PDE4D: variants seen among roughly 807,000 people sequenced by gnomAD.
PDE4D encodes 3',5'-cyclic-AMP phosphodiesterase 4D.
A neutral mutation model predicts 87.4 loss-of-function variants in PDE4D; 24 were observed. That is an observed-to-expected ratio of 0.27 (90% confidence interval 0.20 to 0.39). The LOEUF (loss-of-function observed/expected upper bound fraction) is 0.39, where lower values mean the gene tolerates loss of function less well. Ranked by LOEUF, PDE4D falls within the 10% of genes least tolerant of loss-of-function variation. The pLI is 1.00. For missense variants in PDE4D, 714 were observed against 1,041.0 expected (o/e 0.69, Z 4.32); for synonymous variants, 384 against 383.2 (o/e 1.00, Z -0.02).
intron 5 of PDE4D, among the ~76,000 whole-genome samples, chr5:59,097,449 A>G (rs1769943970): frequency 6.6e-6 from 1 of 152,126 alleles, no homozygotes; most frequent in Non-Finnish European, 1.5e-5. Flanking sequence ...TTTCACAAAA[A>G]TCTCATCCCT....
chr5:60,457,498 G>A (rs1746566555), intron 1 of PDE4D, among the ~76,000 whole-genome samples: 1 of 152,174 alleles, frequency 6.6e-6, no homozygotes, highest in African/African-American at 2.4e-5. Context: ...ATGTCCATGT[G>A]CTTCTGCTAC....
chr5:59,588,782 T>C (rs1325843764), intron 1 of PDE4D, among the ~76,000 whole-genome samples: 1 of 152,140 alleles, frequency 6.6e-6, no homozygotes. Context: ...TAAAAGAATC[T>C]TGAGAATATT....
chr5:60,321,329 A>ACCATT (rs1756247169), intron 1 of PDE4D, among the ~76,000 whole-genome samples: 1 of 152,222 alleles, frequency 6.6e-6, no homozygotes, highest in Non-Finnish European at 1.5e-5. Context: ...TGGTGCTAGG[A>ACCATT]TAACTAACTA....
intron 5 of PDE4D, among the ~76,000 whole-genome samples, chr5:59,111,371 C>T (rs1430014884): frequency 1.3e-5 from 2 of 152,160 alleles, no homozygotes; most frequent in Non-Finnish European, 2.9e-5. Flanking sequence ...GAATGGTCAA[C>T]AAAATGCTGG....
intron 6 of PDE4D, among the ~76,000 whole-genome samples, chr5:59,004,266 G>A (rs1240611676): frequency 6.6e-6 from 1 of 152,148 alleles, no homozygotes; most frequent in African/African-American, 2.4e-5. Flanking sequence ...TACTATAACT[G>A]ATTAGCTGTG....
chr5:59,017,733 G>A (rs1874858), intron 6 of PDE4D, among the ~76,000 whole-genome samples: 15,731 of 152,048 alleles, frequency 0.1, 1,290 homozygotes, highest in East Asian at 0.47. Flanking sequence ...ATCCAAGGCC[G>A]CATAATATAA....
At chr5:59,933,767 A>G (rs1309911820) in intron 3 of PDE4D, among the ~76,000 whole-genome samples, 1 of 53,492 alleles carries the variant, frequency 1.9e-5, no homozygotes, top group Non-Finnish European at 3.4e-5. Context: ...TAGATGTAAA[A>G]GGAGATATAT....
intron 2 of PDE4D, among the ~76,000 whole-genome samples, chr5:60,126,370 T>C (rs569859936): frequency 1.1e-4 from 17 of 152,332 alleles, no homozygotes; most frequent in Non-Finnish European, 2.4e-4. Context: ...TCTACTTATT[T>C]TTTTTCATAG....
chr5:59,980,352 T>C lies in PDE4D; in HGVS notation c.272+8136A>G, dbSNP rs199618156. Among the ~76,000 whole-genome samples, 5 of 152,322 alleles carry C rather than the reference T, an allele frequency of 3.3e-5. No individual in the cohort carries two copies. In the East Asian group the frequency reaches 9.6e-4, roughly 29 times the overall value. ...GAGTTCTGCCTTGTGCTTAATATAGTATTGTGCCCTAGCACTTTTCACGGT... is the reference window on the plus strand; with the variant it reads ...GAGTTCTGCCTTGTGCTTAATATAGCATTGTGCCCTAGCACTTTTCACGGT... On this transcript the variant is annotated intron_variant, in intron 3 of 16. Coordinates refer to the PDE4D transcript ENST00000502484.
intron 1 of PDE4D, among the ~76,000 whole-genome samples, chr5:59,308,656 G>C (rs1054938653): frequency 2.0e-5 from 3 of 151,898 alleles, no homozygotes; most frequent in South Asian, 4.2e-4. Flanking sequence ...CTGGTGCAGG[G>C]GGTAGGGGTT....
At chr5:60,465,150 A>G (rs901177203) in intron 1 of PDE4D, among the ~76,000 whole-genome samples, 10 of 152,020 alleles carry the variant, frequency 6.6e-5, no homozygotes, top group Non-Finnish European at 1.2e-4. Flanking sequence ...ATAAAAATTT[A>G]ATTTATTAAA....
In PDE4D at chr5:58,974,631, A is replaced by ACTT. The variant is rs1491310362; in HGVS notation, c.*32_*33insAAG. The ACTT allele has an allele frequency of 6.1e-6, 2 of 329,022 alleles. No homozygotes were observed. The highest frequency in any genetic ancestry group is 3.0e-5 in the African/African-American group (1 of 33,838). The allele number at this position is 329,022 out of a possible 1,614,324, so 20.4% of individuals were successfully genotyped here. ...CACTTTGGAAACAATTTTTCTACTT[A>ACTT]AAAAAAAAAAAGGCATGAAAGTTTT... On this transcript the variant is annotated 3_prime_UTR_variant, in exon 15 of 15. Transcript: ENST00000340635.
intron 1 of PDE4D, among the ~76,000 whole-genome samples, chr5:60,444,219 G>A (rs905896133): frequency 7.2e-5 from 11 of 152,104 alleles, no homozygotes; most frequent in Non-Finnish European, 1.6e-4. Flanking sequence ...CCTTACTTCT[G>A]TTAAACTCAA....
At chr5:59,840,003 T>TG (rs1476374749) in intron 1 of PDE4D, among the ~76,000 whole-genome samples, 1 of 152,022 alleles carries the variant, frequency 6.6e-6, no homozygotes, top group African/African-American at 2.4e-5. Flanking sequence ...GAGCTTGTGG[T>TG]GGGGGGCTCC....
chr5:60,323,734 G>A (rs1333706269), intron 1 of PDE4D, among the ~76,000 whole-genome samples: 1 of 151,656 alleles, frequency 6.6e-6, no homozygotes, highest in Non-Finnish European at 1.5e-5. Flanking sequence ...ATGTCTCTTG[G>A]GCTTCAATTA....
At chr5:59,594,138 C>A (rs1322855420) in intron 1 of PDE4D, among the ~76,000 whole-genome samples, 1 of 92,130 alleles carries the variant, frequency 1.1e-5, no homozygotes, top group African/African-American at 4.4e-5. Flanking sequence ...TTCTCTCTCA[C>A]CTATGGTATA....
chr5:58,980,542 A>AT (rs142237794), intron 11 of PDE4D, among the ~76,000 whole-genome samples: 3,973 of 152,238 alleles, frequency 0.026, 177 homozygotes, highest in African/African-American at 0.091. Context: ...CAAAGCCATC[A>AT]TTTTATTATA....
intron 1 of PDE4D, among the ~76,000 whole-genome samples, chr5:59,581,388 T>C (rs924965974): frequency 6.6e-6 from 1 of 152,196 alleles, no homozygotes; most frequent in African/African-American, 2.4e-5. Context: ...AACTCAGTAA[T>C]AGTCAACTAA....
intron 1 of PDE4D, among the ~76,000 whole-genome samples, chr5:60,240,821 G>A (rs1226056245): frequency 2.6e-5 from 4 of 152,120 alleles, no homozygotes; most frequent in South Asian, 4.1e-4. Context: ...AGCATTACTA[G>A]GTTTGTGGTA....
Sources: allele counts gnomAD v4.1 joint callset (sites outside exome capture counted in the v4.1 genomes callset), GRCh38; gene constraint gnomAD v4.1.1; transcripts MANE v1.5; gene names NCBI Gene and HGNC (gene_info 2026-07-23, HGNC 2026-07-21).